The following DGKG variants were observed in gnomAD, a reference collection of about 807,000 sequenced individuals.
DGKG encodes diacylglycerol kinase gamma.
In DGKG, 78 loss-of-function variants were observed where a neutral mutation model predicts 105.3. The ratio of observed to expected loss-of-function variants is 0.74; its 90% CI spans 0.62 to 0.89. DGKG has a LOEUF of 0.89. DGKG is among the 40% of genes least tolerant of loss of function. The pLI is 0.00. For missense variants in DGKG, 958 were observed against 1,020.1 expected (o/e 0.94, Z 0.83); for synonymous variants, 346 against 367.1 (o/e 0.94, Z 0.66).
chr3:186,312,550 G>A (rs904120794), intron 2 of DGKG, among the ~76,000 whole-genome samples: 1 of 152,174 alleles, frequency 6.6e-6, no homozygotes, highest in Non-Finnish European at 1.5e-5. Context: ...CGAGGACAAA[G>A]GAACATACTC....
chr3:186,181,708 G>A (rs538945323), intron 22 of DGKG, among the ~76,000 whole-genome samples: 1 of 152,120 alleles, frequency 6.6e-6, no homozygotes, highest in East Asian at 1.9e-4. Context: ...ACTCCAGCCT[G>A]GGCAAAAAGA....
chr3:186,296,219 G>A (rs546736180), intron 5 of DGKG, among the ~76,000 whole-genome samples: 5 of 152,108 alleles, frequency 3.3e-5, no homozygotes, highest in African/African-American at 1.2e-4. Context: ...TGTTCTAAGC[G>A]TTAACATATC....
In DGKG at chr3:186,223,986, C is replaced by T. The variant is rs1450514721; in HGVS notation, c.1827-12101G>A. Among the ~76,000 whole-genome samples the T allele has an allele frequency of 4.6e-5, 7 of 152,208 alleles. No homozygotes were observed. The East Asian group carries it at 1.3e-3, about 29-fold the overall frequency. The stretch of plus-strand genomic sequence containing the variant: ...AAACTTGTCCCAGCTGTAGGTGTGG[C>T]CCCAGTGGTCCTCCCAGCCAGTTCC... On this transcript the variant is annotated intron_variant, in intron 20 of 24. Transcript: ENST00000265022.
chr3:186,355,789 C>T (rs1053352662), intron 1 of DGKG, among the ~76,000 whole-genome samples: 45 of 152,328 alleles, frequency 3.0e-4, no homozygotes, highest in African/African-American at 1.0e-3. Context: ...CTACCATCAC[C>T]TTCATGAGAA....
At chr3:186,308,068 C>T (rs1007642711) in intron 2 of DGKG, among the ~76,000 whole-genome samples, 3 of 152,136 alleles carry the variant, frequency 2.0e-5, no homozygotes, top group African/African-American at 4.8e-5. Context: ...AGGCCTCCAC[C>T]CCCCGCCATG....
At chr3:186,267,931 T>A (rs1722133664) in intron 12 of DGKG, among the ~76,000 whole-genome samples, 154 bp from the exon 13 acceptor site, 1 of 151,990 alleles carries the variant, frequency 6.6e-6, no homozygotes, top group Non-Finnish European at 1.5e-5. Flanking sequence ...TGTGTGTGTG[T>A]GCACGTGTGT....
intron 22 of DGKG, among the ~76,000 whole-genome samples, chr3:186,184,318 C>T (rs894946609): frequency 1.3e-5 from 2 of 152,190 alleles, no homozygotes; most frequent in African/African-American, 4.8e-5. Flanking sequence ...TAACTGTAAG[C>T]ATGGGGCTTT....
chr3:186,295,927 C>T (rs1019047178), intron 5 of DGKG, among the ~76,000 whole-genome samples: 2 of 152,010 alleles, frequency 1.3e-5, no homozygotes, highest in East Asian at 3.9e-4. Context: ...GCCAAGATGG[C>T]AAAACCCTGT....
At chr3:186,196,854 G>C (rs1248336988) in intron 21 of DGKG, among the ~76,000 whole-genome samples, 1 of 152,184 alleles carries the variant, frequency 6.6e-6, no homozygotes, top group Non-Finnish European at 1.5e-5. Context: ...TGAGTCGGGT[G>C]GTGGTAGTGA....
Position 186,203,020 on chromosome 3 carries a change from A to G in DGKG, c.1917+8775T>C, listed in dbSNP as rs915891139. 2.7e-4 allele frequency among the ~76,000 whole-genome samples: 41 copies of G among 152,352 alleles called. No homozygotes were observed. Among genetic ancestry groups the G allele is most frequent in the African/African-American group, 9.4e-4 (39 of 41,590 alleles). On this transcript the variant is annotated intron_variant, in intron 21 of 24. Transcript: ENST00000265022. The surrounding 1 kb of genome is among the most constrained non-coding windows in gnomAD (Gnocchi z 4.9). ...AAGCATATGAATGAATAGAGGCTTG[A>G]AGTGAACTACAGGGTGCACATTAGT...
intron 11 of DGKG, among the ~76,000 whole-genome samples, chr3:186,271,588 CA>C (rs1722319347): frequency 1.3e-5 from 2 of 152,194 alleles, no homozygotes; most frequent in South Asian, 4.1e-4. Flanking sequence ...CAAATTCGAT[CA>C]CATCTTTATG....
rs1455433173 is a variant in DGKG, at chr3:186,188,228, G to T, written c.2069C>A (p.Pro690His). Residue 690 changes from proline to histidine, a missense_variant, in exon 22 of 25, where the codon CCC becomes CAC. Physicochemically the swap from Pro to His is moderately conservative, Grantham distance 77. Coordinates refer to ENST00000265022, the MANE Select transcript of DGKG (RefSeq NM_001346.3). ...IRESRKGVTD[P>H]KELKFCVQDL... ...TTGAACGCAGAATTTCAGTTCTTTGGGGTCAGTGACACCCTTCCTGCTTTC... is the reference window on the plus strand; with the variant it reads ...TTGAACGCAGAATTTCAGTTCTTTGTGGTCAGTGACACCCTTCCTGCTTTC... 5 of 1,613,918 alleles carry T rather than the reference G, an allele frequency of 3.1e-6. No homozygotes were observed. Among genetic ancestry groups the T allele is most frequent in the Non-Finnish European group, 4.2e-6 (5 of 1,180,018 alleles).
At chr3:186,175,397 T>C (rs1254841271) in intron 22 of DGKG, among the ~76,000 whole-genome samples, 2 of 152,188 alleles carry the variant, frequency 1.3e-5, no homozygotes, top group Non-Finnish European at 2.9e-5. Flanking sequence ...AAATGTGTCC[T>C]CCATTCTGTG....
At chr3:186,267,916 C>A in intron 12 of DGKG, 139 bp from the exon 13 acceptor site, 1 of 733,712 alleles carries the variant, frequency 1.4e-6, no homozygotes, top group Non-Finnish European at 2.4e-6. Context: ...GACAGTATTG[C>A]CGTGTGTGTG....
rs1418916632 is a variant in DGKG at position 186,149,974 on chromosome 3, AAG to A, written c.*114_*115del. 3 of 1,453,034 alleles carry A rather than the reference AAG, an allele frequency of 2.1e-6. No individual in the cohort carries two copies. Among genetic ancestry groups the A allele is most frequent in the Middle Eastern group, 3.6e-4 (2 of 5,528 alleles). 90.0% of individuals were successfully genotyped at this position (1,453,034 alleles called of 1,614,324 possible). A position where few individuals can be genotyped will look rare whatever the true frequency, so the allele number is the denominator to read the frequency against. ...GTGGCTTTGCTTCCACTGGTTAGAG[AAG>A]AGTGTGTATGTGTGTGTGTGTGTGC... On this transcript the variant is annotated 3_prime_UTR_variant, in exon 25 of 25. Transcript: ENST00000265022.
chr3:186,190,312 C>T (rs1394776445), intron 21 of DGKG, among the ~76,000 whole-genome samples: 1 of 152,184 alleles, frequency 6.6e-6, no homozygotes, highest in Non-Finnish European at 1.5e-5. Context: ...TTTGCACACA[C>T]TCTAGTTTGT....
intron 1 of DGKG, among the ~76,000 whole-genome samples, chr3:186,321,755 A>T (rs1244326344): frequency 1.1e-4 from 17 of 152,196 alleles, no homozygotes; most frequent in Admixed American, 1.1e-3. Flanking sequence ...TTGGACCTGG[A>T]GAGTGAACTA....
At chr3:186,167,075 C>T (rs1214480554) in intron 22 of DGKG, among the ~76,000 whole-genome samples, 2 of 152,016 alleles carry the variant, frequency 1.3e-5, no homozygotes, top group African/African-American at 4.8e-5. Flanking sequence ...CACACATTAC[C>T]TTGCTTCCTG....
rs930781458 is a variant in DGKG, at chr3:186,284,411, T to C, written c.594+249A>G. On this transcript the variant is annotated intron_variant, in intron 7 of 24. Coordinates refer to ENST00000265022, the MANE Select transcript of DGKG (RefSeq NM_001346.3). The surrounding 1 kb of genome is among the most constrained non-coding windows in gnomAD (Gnocchi z 4.0). ...TTAAACTAGGTGACATGCTAAAGCA[T>C]CCCTCCATCCTGAGATTTGATGATC... 6.6e-6 allele frequency among the ~76,000 whole-genome samples: 1 copy of C among 152,058 alleles called. No individual in the cohort carries two copies. Among genetic ancestry groups the C allele is most frequent in the African/African-American group, 2.4e-5 (1 of 41,390 alleles).
Sources: allele counts gnomAD v4.1 joint callset (sites outside exome capture counted in the v4.1 genomes callset), GRCh38; gene constraint gnomAD v4.1.1; non-coding constraint Gnocchi (gnomAD v3.1); transcripts MANE v1.5; gene names NCBI Gene and HGNC (gene_info 2026-07-23, HGNC 2026-07-21).